The following RTTN variants were observed in gnomAD, a reference collection of about 807,000 sequenced individuals.
RTTN encodes rotatin.
Under a neutral mutation model 269.2 loss-of-function variants are expected in RTTN, and 182 were observed. The observed-to-expected ratio is 0.68, with a 90% confidence interval of 0.60 to 0.76. RTTN has a LOEUF of 0.76. RTTN is among the 30% of genes least tolerant of loss of function. The pLI is 0.00. For synonymous variants in RTTN, 1,006 were observed against 963.5 expected (o/e 1.04, Z -0.82); for missense variants, 2,545 against 2,608.6 (o/e 0.98, Z 0.53).
intron 17 of RTTN, among the ~76,000 whole-genome samples, chr18:70,148,076 C>T (rs181264895): frequency 5.9e-5 from 9 of 152,206 alleles, no homozygotes; most frequent in Admixed American, 5.9e-4. Flanking sequence ...TAACTTCCAC[C>T]TATTTCCTTA....
At chr18:70,191,672 T>C (rs2061675059) in intron 8 of RTTN, among the ~76,000 whole-genome samples, 1 of 152,174 alleles carries the variant, frequency 6.6e-6, no homozygotes, top group Non-Finnish European at 1.5e-5. Context: ...ACAAAGAGCC[T>C]CAAAATTTTG....
intron 27 of RTTN, among the ~76,000 whole-genome samples, chr18:70,113,862 G>A (rs1036230981): frequency 4.6e-5 from 7 of 152,122 alleles, no homozygotes; most frequent in Non-Finnish European, 1.5e-5. Flanking sequence ...ATAGAAAGAA[G>A]ACTAGTGGCT....
chr18:70,064,083 A>G (rs2058066501), intron 35 of RTTN, among the ~76,000 whole-genome samples: 1 of 151,464 alleles, frequency 6.6e-6, no homozygotes, highest in African/African-American at 2.4e-5. Flanking sequence ...CATGTCTGTA[A>G]TCCCAGCACT....
chr18:70,159,842 G>A (rs1014046359), intron 14 of RTTN, among the ~76,000 whole-genome samples: 1 of 151,982 alleles, frequency 6.6e-6, no homozygotes, highest in Non-Finnish European at 1.5e-5. Context: ...TAAATTTCTG[G>A]AAATATACAA....
chr18:70,005,420 AT>A, intron 47 of RTTN, 153 bp from the exon 48 acceptor site: 1 of 494,264 alleles, frequency 2.0e-6, no homozygotes, highest in Non-Finnish European at 3.5e-6. Context: ...AATACATCCT[AT>A]TGAGCCAATC....
At chr18:70,020,905 C>T in intron 44 of RTTN, 88 bp from the exon 45 acceptor site, 1 of 1,088,562 alleles carries the variant, frequency 9.2e-7, no homozygotes, top group Non-Finnish European at 1.3e-6. Context: ...ATCTGTCTAA[C>T]AAAATGACTA....
Position 70,020,738 on chromosome 18 carries a change from CAG to C in RTTN, c.6028_6029del (p.Leu2010AspfsTer34). 2.5e-6 allele frequency: 4 copies of C among 1,614,090 alleles called. No homozygotes were observed. Among genetic ancestry groups the C allele is most frequent in the East Asian group, 2.2e-5 (1 of 44,882 alleles). On this transcript the variant is annotated frameshift_variant, in exon 45 of 49. Transcript: ENST00000640769. LOFTEE classifies it high-confidence loss of function. ...ATHRGAVSNS[L>X]MLCILKLASQ... ...AAGCCAACTTTAGGATACACAGCAT[CAG>C]AGAGTTGCTCACGGCTCCTCTATGT...
chr18:70,092,345 C>G (rs775485258), intron 29 of RTTN, 125 bp from the exon 30 acceptor site: 43 of 684,700 alleles, frequency 6.3e-5, no homozygotes, highest in Non-Finnish European at 9.7e-5. Context: ...GGTTTTAATC[C>G]ATTATTCAGC....
chr18:70,170,325 A>G (rs888424394), intron 11 of RTTN, among the ~76,000 whole-genome samples: 4 of 152,212 alleles, frequency 2.6e-5, no homozygotes, highest in African/African-American at 9.6e-5. Flanking sequence ...AAGAAAGTAG[A>G]GTGTAAATCG....
intron 34 of RTTN, among the ~76,000 whole-genome samples, chr18:70,070,094 A>G (rs1256645872): frequency 6.6e-6 from 1 of 152,246 alleles, no homozygotes; most frequent in African/African-American, 2.4e-5. Context: ...AAAGCTCAGA[A>G]AAGTCCTCTG....
chr18:70,030,649 G>A (rs549636501), intron 41 of RTTN, among the ~76,000 whole-genome samples: 1 of 152,170 alleles, frequency 6.6e-6, no homozygotes, highest in Admixed American at 6.5e-5. Context: ...TTTAGAGCAA[G>A]AACCATCACA....
chr18:70,122,718 T>C (rs1249832708), intron 25 of RTTN, among the ~76,000 whole-genome samples: 2 of 152,154 alleles, frequency 1.3e-5, no homozygotes, highest in Admixed American at 6.5e-5. Flanking sequence ...GTTTGTCTCA[T>C]TATTATTTTT....
At chr18:70,131,891 T>C (rs1218509119) in intron 23 of RTTN, 2 of 151,758 alleles carry the variant, frequency 1.3e-5, no homozygotes, top group Non-Finnish European at 2.9e-5. Context: ...AAATATTCCA[T>C]TAAAACTGTA....
intron 45 of RTTN, among the ~76,000 whole-genome samples, chr18:70,018,393 A>G (rs1370781383): frequency 1.3e-5 from 2 of 152,226 alleles, no homozygotes; most frequent in African/African-American, 4.8e-5. Flanking sequence ...TGCTGCATCA[A>G]GCTGCAGCCC....
chr18:70,058,984 C>A (rs963651265), intron 36 of RTTN, among the ~76,000 whole-genome samples: 5 of 152,096 alleles, frequency 3.3e-5, no homozygotes, highest in African/African-American at 9.7e-5. Context: ...CAAGAAGATG[C>A]AAGACATTTC....
chr18:70,051,168 A>T (rs924184980), intron 39 of RTTN, among the ~76,000 whole-genome samples: 1 of 152,248 alleles, frequency 6.6e-6, no homozygotes, highest in African/African-American at 2.4e-5. Flanking sequence ...TTAAAAAATA[A>T]TAAAACCACA....
chr18:70,047,940 A>T, intron 40 of RTTN, 31 bp downstream of exon 40: 1 of 1,545,598 alleles, frequency 6.5e-7, no homozygotes, highest in Non-Finnish European at 8.9e-7. Flanking sequence ...AACGCTAAAT[A>T]AAGTTTTTGA....
At chr18:70,012,735 G>A (rs1209668833) in intron 46 of RTTN, among the ~76,000 whole-genome samples, 2 of 152,236 alleles carry the variant, frequency 1.3e-5, no homozygotes, top group African/African-American at 2.4e-5. Flanking sequence ...TGGTTAGAAG[G>A]CAGTGTCTGC....
At chr18:70,029,113 TG>T (rs1234919270) in intron 42 of RTTN, among the ~76,000 whole-genome samples, 1 of 151,248 alleles carries the variant, frequency 6.6e-6, no homozygotes, top group Non-Finnish European at 1.5e-5. Flanking sequence ...TATCAGGTGT[TG>T]GCTGACTTTC....
Sources: gnomAD v4.1 joint callset for allele counts (sites outside exome capture counted in the v4.1 genomes callset) on GRCh38, gnomAD v4.1.1 for gene constraint, MANE v1.5 for transcripts, NCBI Gene and HGNC (gene_info 2026-07-23, HGNC 2026-07-21) for gene names.